DSG3: variants seen among roughly 807,000 people sequenced by gnomAD.
The protein encoded by DSG3 is desmoglein-3.
DSG3 carries 63 observed loss-of-function variants against 85.9 expected under a neutral mutation model. The observed-to-expected ratio is 0.73, with a 90% CI of 0.60 to 0.90. The LOEUF is 0.90. DSG3 is among the 40% of genes least tolerant of loss of function. The pLI is 0.00. For synonymous variants in DSG3, 447 were observed against 441.9 expected, an observed-to-expected ratio of 1.01 and a Z score of -0.14; for missense variants, 1,220 against 1,219.9, an observed-to-expected ratio of 1.00 and a Z score of 0.00.
intron 15 of DSG3, 133 bp from the exon 16 acceptor site, chr18:31,475,513 A>G: frequency 9.2e-7 from 1 of 1,089,802 alleles, no homozygotes; most frequent in Non-Finnish European, 1.3e-6. Flanking sequence ...GATTGTTAAT[A>G]GACAGTGTCC....
chr18:31,465,477 C>A lies in DSG3; in HGVS notation c.1411+20C>A. On this transcript the variant is annotated intron_variant, in intron 10 of 15. Coordinates refer to ENST00000257189, the MANE Select transcript of DSG3 (RefSeq NM_001944.3). ...TAGATGGTAAGAAAAATATTTGAAT[C>A]ATTTCAGAGGAATGTTATCGTAATT... 1 of 1,430,420 alleles carries A rather than the reference C, an allele frequency of 7.0e-7. No individual in the cohort carries two copies. The highest frequency in any genetic ancestry group is 9.2e-7 in the Non-Finnish European group (1 of 1,086,862). 88.6% of individuals were successfully genotyped at this position (1,430,420 alleles called of 1,614,324 possible).
rs891716340 is a variant in DSG3 at position 31,460,015 on chromosome 18, C to T, written c.684+4C>T. Reference sequence around the variant, plus strand: ...GACCAATTCTCTTGACCGAGAGGTACAGCAAAGCACTTGGGGGAACATTCA... The same window carrying T: ...GACCAATTCTCTTGACCGAGAGGTATAGCAAAGCACTTGGGGGAACATTCA... On this transcript the variant is annotated splice_donor_region_variant and intron_variant, in intron 6 of 15. Transcript: ENST00000257189. 6.2e-7 allele frequency: 1 copy of T among 1,610,160 alleles called. No homozygotes were observed. Among genetic ancestry groups the T allele is most frequent in the African/African-American group, 1.3e-5 (1 of 74,926 alleles).
At position 31,476,480 on chromosome 18, in the gene DSG3, T is replaced by C; in HGVS notation, c.*220T>C. On this transcript the variant is annotated 3_prime_UTR_variant, in exon 16 of 16. Coordinates refer to ENST00000257189, the MANE Select transcript of DSG3 (RefSeq NM_001944.3). ...AGTACTATTCAAATTGTAGTAAATCTTAAAGTTTTTCAAAACCCTAAAATC... is the reference window on the plus strand; with the variant it reads ...AGTACTATTCAAATTGTAGTAAATCCTAAAGTTTTTCAAAACCCTAAAATC... 4.4e-6 allele frequency: 2 copies of C among 453,822 alleles called. No homozygotes were observed. The highest frequency in any genetic ancestry group is 7.4e-6 in the Non-Finnish European group (2 of 271,380). The allele number at this position is 453,822 out of a possible 1,614,324, so 28.1% of individuals were successfully genotyped here.
chr18:31,451,031 A>G (rs1023473542), intron 1 of DSG3, among the ~76,000 whole-genome samples: 3 of 152,270 alleles, frequency 2.0e-5, no homozygotes, highest in South Asian at 2.1e-4. Flanking sequence ...AATAAAAGCT[A>G]TATTTGGGAG....
chr18:31,454,686 T>TTCTC (rs1555665983), intron 1 of DSG3, among the ~76,000 whole-genome samples: 1 of 151,592 alleles, frequency 6.6e-6, no homozygotes, highest in Non-Finnish European at 1.5e-5. Flanking sequence ...TTTTTTTTTT[T>TTCTC]TCTCTTTATG....
Position 31,475,680 on chromosome 18 carries a change from A to G in DSG3, c.2420A>G (p.Gln807Arg), listed in dbSNP as rs2072881767. ...AFACAEEDDG[Q>R]EANDCLLIYD... is the part of the protein sequence containing the mutation. ...GCCTGTGCGGAGGAAGACGATGGCC[A>G]GGAAGCAAATGACTGCTTGTTGATC... is the stretch of plus-strand genomic sequence containing the variant. The change falls in exon 16 of 16, where the codon CAG becomes CGG. Residue 807 changes from glutamine to arginine, a missense_variant. Transcript: ENST00000257189. The G allele has an allele frequency of 6.2e-7, 1 of 1,614,208 alleles. No individual in the cohort carries two copies. Among genetic ancestry groups the G allele is most frequent in the Non-Finnish European group, 8.5e-7 (1 of 1,180,040 alleles).
intron 1 of DSG3, among the ~76,000 whole-genome samples, chr18:31,452,941 T>C (rs145879935): frequency 7.1e-4 from 108 of 152,294 alleles, no homozygotes; most frequent in African/African-American, 2.4e-3. Context: ...ACTTTCTAAA[T>C]TAATTGAATT....
chr18:31,471,149 A>T (rs2072852915), intron 12 of DSG3, among the ~76,000 whole-genome samples: 1 of 152,208 alleles, frequency 6.6e-6, no homozygotes, highest in Non-Finnish European at 1.5e-5. Flanking sequence ...CTGTGACATG[A>T]GACTGGAAAA....
intron 10 of DSG3, among the ~76,000 whole-genome samples, chr18:31,466,005 G>A (rs573080266): frequency 6.6e-6 from 1 of 152,134 alleles, no homozygotes; most frequent in African/African-American, 2.4e-5. Context: ...AACAAGAAAA[G>A]AAGTAGTAAG....
rs2144250613 is a variant in DSG3 at position 31,475,962 on chromosome 18, T to C, written c.2702T>C (p.Leu901Ser). Residue 901 changes from leucine (L) to serine (S), a missense_variant, in exon 16 of 16, where the codon TTG becomes TCG. Physicochemically the swap from Leu to Ser is moderately radical, Grantham distance 145. Coordinates refer to ENST00000257189, the MANE Select transcript of DSG3 (RefSeq NM_001944.3). ...QQTGFVKCQT[L>S]SGSQGASALS... ...ACAGGATTTGTTAAGTGCCAGACTT[T>C]GTCAGGAAGTCAAGGAGCTTCTGCT... is the stretch of plus-strand genomic sequence containing the variant. The C allele has an allele frequency of 1.2e-6, 2 of 1,614,222 alleles. No homozygotes were observed. Among genetic ancestry groups the C allele is most frequent in the Non-Finnish European group, 1.7e-6 (2 of 1,180,044 alleles).
intron 1 of DSG3, among the ~76,000 whole-genome samples, chr18:31,454,219 G>C (rs556098147): frequency 1.3e-5 from 2 of 152,108 alleles, no homozygotes; most frequent in African/African-American, 2.4e-5. Flanking sequence ...ATATTTTCGG[G>C]ATGACTCTCC....
intron 1 of DSG3, among the ~76,000 whole-genome samples, chr18:31,449,840 G>A (rs2072700759): frequency 6.6e-6 from 1 of 152,200 alleles, no homozygotes; most frequent in Non-Finnish European, 1.5e-5. Context: ...GTAGCCACCA[G>A]CCACATGTGG....
chr18:31,454,275 T>C (rs1313725322), intron 1 of DSG3, among the ~76,000 whole-genome samples: 3 of 152,198 alleles, frequency 2.0e-5, no homozygotes, highest in African/African-American at 2.4e-5. Context: ...CCTCCTCTCA[T>C]GTGTAGCTGA....
chr18:31,474,460 T>C, intron 15 of DSG3, 56 bp downstream of exon 15: 2 of 1,525,072 alleles, frequency 1.3e-6, no homozygotes, highest in Non-Finnish European at 1.8e-6. Context: ...AGAGAACTTT[T>C]TATTTGATTA....
At chr18:31,468,983 T>C (rs1411952732) in intron 11 of DSG3, 106 bp from the exon 12 acceptor site, 1 of 1,462,622 alleles carries the variant, frequency 6.8e-7, no homozygotes, top group Admixed American at 1.9e-5. Flanking sequence ...AATAAATGTG[T>C]TTTCTTTATG....
intron 2 of DSG3, among the ~76,000 whole-genome samples, chr18:31,456,730 C>T (rs2072744686): frequency 6.6e-6 from 1 of 152,004 alleles, no homozygotes. Flanking sequence ...ACCCTATGGG[C>T]CCAGTAAGAT....
intron 1 of DSG3, among the ~76,000 whole-genome samples, chr18:31,452,130 C>T (rs1174253805): frequency 6.6e-6 from 1 of 152,190 alleles, no homozygotes; most frequent in Non-Finnish European, 1.5e-5. Context: ...CACAATTGTA[C>T]AGTGGAGTAC....
rs1297423288 is a variant in DSG3 at position 31,472,756 on chromosome 18, C to A, written c.2069C>A (p.Thr690Lys). 1.9e-6 allele frequency: 3 copies of A among 1,613,940 alleles called. No homozygotes were observed. The African/African-American group carries it at 4.0e-5, about 22-fold the overall frequency. ...ACAAATATTTGTGTGCCTCCTGTAA[C>A]AGCCAATGGAGCCGATTTCATGGAA... is the stretch of plus-strand genomic sequence containing the variant. ...EITNICVPPV[T>K]ANGADFMESS... Residue 690 changes from threonine (T) to lysine (K), a missense_variant, in exon 14 of 16, where the codon ACA becomes AAA. Transcript: ENST00000257189.
chr18:31,447,805 C>T lies in DSG3; in HGVS notation c.-73C>T. 4.6e-6 allele frequency: 6 copies of T among 1,317,008 alleles called. No homozygotes were observed. The highest frequency in any genetic ancestry group is 2.5e-5 in the East Asian group (1 of 39,264). 81.6% of individuals were successfully genotyped at this position (1,317,008 alleles called of 1,614,324 possible). On this transcript the variant is annotated 5_prime_UTR_variant, in exon 1 of 16. Transcript: ENST00000257189. ...GACGCTGCAGAGGGCTTTTCTTAGA[C>T]ATCAACTGCAGACGGCTGGCAGGAT... is the stretch of plus-strand genomic sequence containing the variant.
Sources: gnomAD v4.1 joint callset for allele counts (sites outside exome capture counted in the v4.1 genomes callset) on GRCh38, gnomAD v4.1.1 for gene constraint, MANE v1.5 for transcripts, NCBI Gene and HGNC (gene_info 2026-07-23, HGNC 2026-07-21) for gene names.